The following GRHPR variants were observed in gnomAD, a reference collection of about 807,000 sequenced individuals.
GRHPR encodes glyoxylate and hydroxypyruvate reductase.
A neutral mutation model predicts 36.8 loss-of-function variants in GRHPR; 35 were observed. The observed-to-expected ratio is 0.95, with a 90% CI of 0.73 to 1.26. GRHPR has a LOEUF of 1.26. Among genes scored for constraint, GRHPR ranks in the 50% most tolerant of loss-of-function variants. The pLI is 0.00. For synonymous variants in GRHPR, 179 were observed against 181.0 expected, an observed-to-expected ratio of 0.99 and a Z score of 0.09; for missense variants, 380 against 435.0, an observed-to-expected ratio of 0.87 and a Z score of 1.12.
chr9:37,429,185 G>A (rs1177254849), intron 5 of GRHPR: 2 of 254,736 alleles, frequency 7.9e-6, no homozygotes, highest in Non-Finnish European at 1.5e-5. Context: ...CCTCTCACTA[G>A]AGAGTTGCTT....
At chr9:37,437,662 C>T (rs1306378857), downstream of GRHPR, among the ~76,000 whole-genome samples, 2 of 148,640 alleles carry the variant, frequency 1.3e-5, no homozygotes, top group African/African-American at 5.0e-5. Context: ...TCTGTCCCCC[C>T]AGCCCCTCCC....
At chr9:37,431,229 A>G (rs529540786) in intron 7 of GRHPR, 3 of 351,146 alleles carry the variant, frequency 8.5e-6, no homozygotes, top group South Asian at 6.4e-5. Context: ...GTTTAGGGGA[A>G]GGGGGATTGG....
intron 8 of GRHPR, chr9:37,433,970 C>T (rs1298592713): frequency 7.8e-6 from 3 of 383,266 alleles, no homozygotes; most frequent in Admixed American, 4.5e-5. Flanking sequence ...CCCACCCCAG[C>T]CTGCAAGGAG....
At chr9:37,428,429 GC>G (rs992901517) in intron 4 of GRHPR, 54 bp from the exon 5 acceptor site, 14 of 1,141,180 alleles carry the variant, frequency 1.2e-5, no homozygotes, top group Non-Finnish European at 1.5e-5. Flanking sequence ...GTTCTCAGCG[GC>G]CCCCATCTTG....
intron 4 of GRHPR, among the ~76,000 whole-genome samples, chr9:37,427,140 G>A (rs2118867992): frequency 6.6e-6 from 1 of 152,230 alleles, no homozygotes; most frequent in South Asian, 2.1e-4. Flanking sequence ...AGTGGTGAGA[G>A]AAGAGGATGA....
chr9:37,424,853 T>G lies in GRHPR; in HGVS notation c.92T>G (p.Val31Gly), dbSNP rs555739115. ...CCTCCCTTTCCCCGCAGCTGTGAGG[T>G]GGAGCAGTGGGACTCGGATGAGCCC... ...VALARAADCEVEQWDSDEPIP... is the reference protein window; with the variant it reads ...VALARAADCEGEQWDSDEPIP... Residue 31 changes from valine to glycine, a missense_variant, in exon 2 of 9, where the codon GTG becomes GGG. Physicochemically the swap from Val to Gly is moderately radical, Grantham distance 109. Transcript: ENST00000318158. 2.5e-6 allele frequency: 4 copies of G among 1,613,254 alleles called. No homozygotes were observed. In the African/African-American group the frequency reaches 4.0e-5, roughly 16 times the overall value.
chr9:37,431,090 C>T (rs780919800), intron 7 of GRHPR: 7 of 466,846 alleles, frequency 1.5e-5, no homozygotes, highest in Non-Finnish European at 3.1e-5. Flanking sequence ...CTAAAACTCA[C>T]GTGGTCGTAG....
At chr9:37,427,002 C>G (rs928607910) in intron 4 of GRHPR, among the ~76,000 whole-genome samples, 1 of 152,088 alleles carries the variant, frequency 6.6e-6, no homozygotes, top group South Asian at 2.1e-4. Flanking sequence ...TGGCTCTGCT[C>G]AGCACTGGAT....
At chr9:37,435,334 C>G (rs1033756612) in intron 8 of GRHPR, among the ~76,000 whole-genome samples, 1 of 152,200 alleles carries the variant, frequency 6.6e-6, no homozygotes, top group African/African-American at 2.4e-5. Flanking sequence ...TAAAGGGGTA[C>G]TATACTTCAT....
At chr9:37,435,617 G>A (rs1050396007) in intron 8 of GRHPR, among the ~76,000 whole-genome samples, 10 of 152,004 alleles carry the variant, frequency 6.6e-5, no homozygotes, top group African/African-American at 9.7e-5. Context: ...ATGGCTGGGC[G>A]CAGTGGCTCA....
chr9:37,423,771 G>A (rs1822952198), intron 1 of GRHPR, among the ~76,000 whole-genome samples: 1 of 152,234 alleles, frequency 6.6e-6, no homozygotes, highest in South Asian at 2.1e-4. Context: ...ACTGCACCTG[G>A]CCCACCCTTG....
chr9:37,422,622 A>G (rs1822879126), upstream of GRHPR: 2 of 753,128 alleles, frequency 2.7e-6, no homozygotes, highest in Non-Finnish European at 4.6e-6. Context: ...CCTCTCGCGA[A>G]GCCACACCCC....
rs1823175723 is a variant in GRHPR, at chr9:37,428,192, G to A, written c.405-292G>A. 9.4e-6 allele frequency: 5 copies of A among 531,582 alleles called. No homozygotes were observed. The South Asian group carries it at 1.1e-4, about 11-fold the overall frequency. 32.9% of individuals were successfully genotyped at this position (531,582 alleles called of 1,614,324 possible). ...TGTTGCTCTCAACTCTTCCCTGGTT[G>A]TGTGACCTCAGGCAAGTCACCCTTT... On this transcript the variant is annotated intron_variant, in intron 4 of 8. Coordinates refer to ENST00000318158, the MANE Select transcript of GRHPR (RefSeq NM_012203.2).
At position 37,432,079 on chromosome 9, in the gene GRHPR, A is replaced by G. The variant is rs369698939; in HGVS notation, c.806A>G (p.Asp269Gly). Residue 269 changes from aspartate to glycine, a missense_variant, in exon 8 of 9, where the codon GAT becomes GGT. Physicochemically the swap from Asp to Gly is moderately conservative, Grantham distance 94. Coordinates refer to ENST00000318158, the MANE Select transcript of GRHPR (RefSeq NM_012203.2). ...GGTAAGATTGCAGCTGCTGGACTGG[A>G]TGTGACGAGCCCAGAACCACTGCCT... ...ASGKIAAAGL[D>G]VTSPEPLPTN... 7 of 1,613,832 alleles carry G rather than the reference A, an allele frequency of 4.3e-6. No individual in the cohort carries two copies. Among genetic ancestry groups the G allele is most frequent in the Non-Finnish European group, 5.9e-6 (7 of 1,179,820 alleles).
intron 8 of GRHPR, 106 bp from the exon 9 acceptor site, chr9:37,436,555 C>G (rs1823660146): frequency 3.3e-6 from 4 of 1,205,704 alleles, no homozygotes; most frequent in Admixed American, 1.7e-5. Flanking sequence ...ATGAGGTAGT[C>G]TCTCTTTATT....
At chr9:37,431,707 A>G in intron 7 of GRHPR, 1 of 362,956 alleles carries the variant, frequency 2.8e-6, no homozygotes, top group South Asian at 2.3e-5. Flanking sequence ...AATCCTCCCA[A>G]CATGCCTGGG....
At chr9:37,429,320 A>AT in intron 5 of GRHPR, 1 of 280,598 alleles carries the variant, frequency 3.6e-6, no homozygotes. Flanking sequence ...CAGTGCCACC[A>AT]AAAAGTCAAA....
chr9:37,427,844 A>G (rs1823157245), intron 4 of GRHPR: 1 of 155,644 alleles, frequency 6.4e-6, no homozygotes, highest in African/African-American at 2.4e-5. Context: ...TCTCCAAAAA[A>G]AAAAAAAAAA....
chr9:37,431,697 A>C, intron 7 of GRHPR: 1 of 353,880 alleles, frequency 2.8e-6, no homozygotes, highest in Non-Finnish European at 5.5e-6. Flanking sequence ...AGAAAGCTTT[A>C]ATCCTCCCAA....
Sources: gnomAD v4.1 joint callset for allele counts (sites outside exome capture counted in the v4.1 genomes callset) on GRCh38, gnomAD v4.1.1 for gene constraint, MANE v1.5 for transcripts, NCBI Gene and HGNC (gene_info 2026-07-23, HGNC 2026-07-21) for gene names.